GABRG1: variants seen among roughly 807,000 people sequenced by gnomAD.
GABRG1 encodes the protein gamma-aminobutyric acid type A receptor subunit gamma1.
A neutral mutation model predicts 49.8 loss-of-function variants in GABRG1; 49 were observed. That is an observed-to-expected ratio of 0.98 (90% confidence interval 0.78 to 1.25). The LOEUF (loss-of-function observed/expected upper bound fraction) is 1.25, where lower values mean the gene tolerates loss of function less well. Ranked by LOEUF, GABRG1 falls within the 50% of genes most tolerant of loss-of-function variation. The pLI, the probability that GABRG1 is intolerant of heterozygous loss-of-function variation, is 0.00. For synonymous variants in GABRG1, 232 were observed against 185.1 expected, an observed-to-expected ratio of 1.25 and a Z score of -2.06; for missense variants, 552 against 552.3, an observed-to-expected ratio of 1.00 and a Z score of 0.01.
intron 1 of GABRG1, among the ~76,000 whole-genome samples, chr4:46,101,082 G>T (rs1228244963): frequency 6.6e-6 from 1 of 151,428 alleles, no homozygotes. Context: ...GGAGATTTTT[G>T]TAGCAGTTAC....
intron 1 of GABRG1, among the ~76,000 whole-genome samples, chr4:46,119,593 T>C (rs1721035735): frequency 6.6e-6 from 1 of 151,530 alleles, no homozygotes; most frequent in Non-Finnish European, 1.5e-5. Flanking sequence ...GACTTCAGAT[T>C]TGAAGACATT....
chr4:46,069,558 T>G (rs1011771869), intron 3 of GABRG1, among the ~76,000 whole-genome samples: 1 of 152,120 alleles, frequency 6.6e-6, no homozygotes, highest in African/African-American at 2.4e-5. Flanking sequence ...GCCAATTGCT[T>G]AAATCATTGA....
intron 7 of GABRG1, among the ~76,000 whole-genome samples, chr4:46,056,104 T>TAAAAA (rs1188953097): frequency 2.0e-4 from 1 of 4,972 alleles, no homozygotes; most frequent in African/African-American, 1.1e-3. Context: ...TAGAGTATAA[T>TAAAAA]AAAAAAAAAA....
chr4:46,059,423 G>A (rs988236778), intron 5 of GABRG1, among the ~76,000 whole-genome samples: 2 of 150,570 alleles, frequency 1.3e-5, no homozygotes, highest in Non-Finnish European at 2.9e-5. Flanking sequence ...GTCTCACTCT[G>A]TTGTCCAGGC....
In GABRG1 at chr4:46,042,106, CTTGA is replaced by C. The variant is rs545215707; in HGVS notation, c.1132-856_1132-853del. Reference sequence around the variant, plus strand: ...TGGCAATAAAAACATTGTAGGTTTGCTTGATTATTAAATGGGATGATGGATATAA... The same window carrying C: ...TGGCAATAAAAACATTGTAGGTTTGCTTATTAAATGGGATGATGGATATAA... On this transcript the variant is annotated intron_variant, in intron 8 of 8. Transcript: ENST00000295452. Among the ~76,000 whole-genome samples the C allele has an allele frequency of 1.7e-3, 259 of 151,898 alleles. 1 individual carries two copies. Among genetic ancestry groups the C allele is most frequent in the Admixed American group, 0.016 (239 of 15,204 alleles).
intron 2 of GABRG1, among the ~76,000 whole-genome samples, chr4:46,086,608 A>C (rs1393313763): frequency 6.6e-6 from 1 of 151,570 alleles, no homozygotes; most frequent in Admixed American, 6.6e-5. Flanking sequence ...AAAGAGAAAT[A>C]GTCCCACTTA....
At chr4:46,053,863 A>G (rs532681571) in intron 7 of GABRG1, among the ~76,000 whole-genome samples, 36 of 152,158 alleles carry the variant, frequency 2.4e-4, no homozygotes, top group African/African-American at 7.7e-4. Flanking sequence ...CTATTAAAAT[A>G]TTTCTGAGTC....
chr4:46,067,122 A>T (rs1308056914), intron 3 of GABRG1, among the ~76,000 whole-genome samples: 1 of 151,974 alleles, frequency 6.6e-6, no homozygotes, highest in Non-Finnish European at 1.5e-5. Flanking sequence ...AATGGAAAAA[A>T]AAATTACAAG....
At chr4:46,081,296 A>C (rs1457825490) in intron 3 of GABRG1, among the ~76,000 whole-genome samples, 1 of 151,838 alleles carries the variant, frequency 6.6e-6, no homozygotes, top group African/African-American at 2.4e-5. Flanking sequence ...CCCTAATTTA[A>C]GACTAACTTC....
intron 1 of GABRG1, among the ~76,000 whole-genome samples, chr4:46,098,278 T>C (rs936141039): frequency 2.0e-5 from 3 of 151,750 alleles, no homozygotes; most frequent in Admixed American, 1.3e-4. Context: ...TTCTCTTTAT[T>C]GCCCATAAGT....
At chr4:46,113,255 T>G (rs991904234) in intron 1 of GABRG1, among the ~76,000 whole-genome samples, 3 of 151,066 alleles carry the variant, frequency 2.0e-5, no homozygotes, top group Non-Finnish European at 4.4e-5. Context: ...TCAGTATAAC[T>G]GGGAAGGCTT....
chr4:46,039,110 T>A lies in GABRG1; in HGVS notation c.*1878A>T, dbSNP rs1299252404. The A allele has an allele frequency of 6.6e-6, 1 of 151,792 alleles. No homozygotes were observed. Among genetic ancestry groups the A allele is most frequent in the Non-Finnish European group, 1.5e-5 (1 of 67,760 alleles). 9.4% of individuals were successfully genotyped at this position (151,792 alleles called of 1,614,324 possible). ...AGTAAAGTATTTTATTCTTTATTAC[T>A]ACTTTATTTTTTATTTATCCTTAAA... On this transcript the variant is annotated 3_prime_UTR_variant, in exon 9 of 9. Coordinates refer to ENST00000295452, the MANE Select transcript of GABRG1 (RefSeq NM_173536.4).
intron 2 of GABRG1, among the ~76,000 whole-genome samples, chr4:46,096,165 C>G (rs570599612): frequency 6.6e-6 from 1 of 150,830 alleles, no homozygotes; most frequent in Admixed American, 6.6e-5. Flanking sequence ...TGGTGTTAAA[C>G]AAATTTACAA....
chr4:46,091,351 T>C (rs984779457), intron 2 of GABRG1, among the ~76,000 whole-genome samples: 11 of 152,062 alleles, frequency 7.2e-5, no homozygotes, highest in African/African-American at 2.7e-4. Context: ...AGAATCTCCA[T>C]TATTTTTCAC....
At chr4:46,118,121 C>T (rs1049976366) in intron 1 of GABRG1, among the ~76,000 whole-genome samples, 5 of 84,424 alleles carry the variant, frequency 5.9e-5, no homozygotes, top group East Asian at 2.8e-4. Context: ...TACATATATA[C>T]GTGTGTGTGT....
At chr4:46,118,534 C>T (rs550666645) in intron 1 of GABRG1, among the ~76,000 whole-genome samples, 25 of 151,146 alleles carry the variant, frequency 1.7e-4, no homozygotes, top group African/African-American at 5.8e-4. Flanking sequence ...ATTTCTGTAT[C>T]CTGTTCATCT....
chr4:46,050,293 T>G (rs1443954013), intron 8 of GABRG1, among the ~76,000 whole-genome samples: 1 of 151,900 alleles, frequency 6.6e-6, no homozygotes, highest in African/African-American at 2.4e-5. Context: ...CTTGGAATAT[T>G]GTGGGTATCT....
At position 46,088,864 on chromosome 4, in the gene GABRG1, C is replaced by G. The variant is rs73241866; in HGVS notation, c.254-4811G>C. The stretch of plus-strand genomic sequence containing the variant: ...GTGTGTATTCCCAAGAATGTCTTCT[C>G]AGGAAAATTGAAGGCTGGTTTCTCA... On this transcript the variant is annotated intron_variant, in intron 2 of 8. Coordinates refer to ENST00000295452, the MANE Select transcript of GABRG1 (RefSeq NM_173536.4). 8.6e-3 allele frequency among the ~76,000 whole-genome samples: 1,254 copies of G among 146,428 alleles called. 6 individuals are homozygous for G. Among genetic ancestry groups the G allele is most frequent in the Non-Finnish European group, 0.012 (784 of 67,190 alleles).
chr4:46,100,732 GTT>G (rs67783537), intron 1 of GABRG1, among the ~76,000 whole-genome samples: 4 of 130,212 alleles, frequency 3.1e-5, no homozygotes, highest in Admixed American at 7.7e-5. Flanking sequence ...AGCTTTTTCT[GTT>G]TTTTTTTTTA....
Sources: allele counts gnomAD v4.1 joint callset (sites outside exome capture counted in the v4.1 genomes callset), GRCh38; gene constraint gnomAD v4.1.1; transcripts MANE v1.5; gene names NCBI Gene and HGNC (gene_info 2026-07-23, HGNC 2026-07-21).